TCEA1: variants seen among roughly 807,000 people sequenced by gnomAD.
The protein encoded by TCEA1 is transcription elongation factor A1, also known as transcription elongation factor A protein 1.
Under a neutral mutation model 43.8 loss-of-function variants are expected in TCEA1, and 21 were observed. The observed-to-expected ratio is 0.48, with a 90% CI of 0.34 to 0.69. The LOEUF is 0.69. Among genes scored for constraint, TCEA1 ranks in the 30% least tolerant of loss-of-function variants. The pLI is 0.01. For missense variants in TCEA1, 250 were observed against 365.1 expected, an observed-to-expected ratio of 0.68 and a Z score of 2.57; for synonymous variants, 104 against 117.5, an observed-to-expected ratio of 0.88 and a Z score of 0.75.
intron 3 of TCEA1, among the ~76,000 whole-genome samples, chr8:53,997,014 C>CTCAG (rs1229679272): frequency 6.6e-6 from 1 of 151,462 alleles, no homozygotes; most frequent in Non-Finnish European, 1.5e-5. Flanking sequence ...ATTCTCCTGC[C>CTCAG]TCAGCCTCTC....
intron 1 of TCEA1, among the ~76,000 whole-genome samples, chr8:54,013,292 G>A (rs769195369): frequency 1.3e-5 from 2 of 152,126 alleles, no homozygotes; most frequent in Admixed American, 6.6e-5. Context: ...TAACACTCAC[G>A]GAATAAAACT....
intron 2 of TCEA1, among the ~76,000 whole-genome samples, chr8:54,003,718 T>G (rs950359065): frequency 1.3e-5 from 2 of 152,108 alleles, no homozygotes; most frequent in African/African-American, 2.4e-5. Flanking sequence ...GAGTAAAGCT[T>G]CATGACCTTG....
At chr8:53,991,713 T>C (rs1203584736) in intron 4 of TCEA1, among the ~76,000 whole-genome samples, 1 of 151,134 alleles carries the variant, frequency 6.6e-6, no homozygotes, top group Non-Finnish European at 1.5e-5. Context: ...ATAATAATAA[T>C]AATAAAATAA....
At chr8:53,976,395 G>C (rs1257144422) in intron 8 of TCEA1, among the ~76,000 whole-genome samples, 1 of 152,100 alleles carries the variant, frequency 6.6e-6, no homozygotes, top group Non-Finnish European at 1.5e-5. Flanking sequence ...CCCCAAAAGT[G>C]GACATGAATC....
chr8:54,007,604 C>T (rs1413558970), intron 2 of TCEA1, among the ~76,000 whole-genome samples: 4 of 152,180 alleles, frequency 2.6e-5, no homozygotes, highest in African/African-American at 7.2e-5. Flanking sequence ...TAGTTTTAGT[C>T]GTAAATACTG....
rs564240552 is a variant in TCEA1 at position 53,985,284 on chromosome 8, T to A, written c.524-767A>T. On this transcript the variant is annotated intron_variant, in intron 6 of 9. Coordinates refer to ENST00000521604, the MANE Select transcript of TCEA1 (RefSeq NM_006756.4). ...CACCCGTCTCGGCCTCTCAAAGTGC[T>A]GGGATTATAGGCGTGAGCCACCGCG... Among the ~76,000 whole-genome samples, 5 of 152,340 alleles carry A rather than the reference T, an allele frequency of 3.3e-5. No homozygotes were observed. In the South Asian group the frequency reaches 1.0e-3, roughly 32 times the overall value.
intron 3 of TCEA1, among the ~76,000 whole-genome samples, chr8:53,994,334 G>C (rs145097845): frequency 6.6e-6 from 1 of 152,290 alleles, no homozygotes; most frequent in East Asian, 1.9e-4. Flanking sequence ...AATAGAGCCA[G>C]ACCTTTTCTC....
intron 4 of TCEA1, among the ~76,000 whole-genome samples, chr8:53,988,912 T>C (rs945971583): frequency 6.6e-6 from 1 of 151,830 alleles, no homozygotes; most frequent in African/African-American, 2.4e-5. Flanking sequence ...CTATTAAAAA[T>C]ACAAAAATTA....
intron 4 of TCEA1, among the ~76,000 whole-genome samples, chr8:53,991,316 C>G (rs551708036): frequency 6.6e-6 from 1 of 151,660 alleles, no homozygotes; most frequent in Non-Finnish European, 1.5e-5. Flanking sequence ...TCGCTTGAAC[C>G]TGGGGGACAG....
intron 4 of TCEA1, among the ~76,000 whole-genome samples, chr8:53,989,032 C>T (rs1364420597): frequency 6.6e-6 from 1 of 151,162 alleles, no homozygotes; most frequent in African/African-American, 2.4e-5. Flanking sequence ...TGCACCACTG[C>T]ACTCCAGCCT....
In TCEA1 at chr8:53,993,700, T is replaced by C. The variant is rs1239191064; in HGVS notation, c.288A>G (p.Thr96=). The C allele has an allele frequency of 1.2e-5, 20 of 1,613,740 alleles. No individual in the cohort carries two copies. The highest frequency in any genetic ancestry group is 6.6e-5 in the South Asian group (6 of 91,060). ...LDEKKKEPAI[T]SQNSPEAREE... ...CTCTTGCCTCAGGGCTGTTCTGCGA[T>C]GTAATTGCAGGTTCTTTCTTCTTTT... The change falls in exon 4 of 10, where the codon ACA becomes ACG. Residue 96 remains threonine (T), a synonymous_variant. Coordinates refer to ENST00000521604, the MANE Select transcript of TCEA1 (RefSeq NM_006756.4).
At chr8:53,983,426 T>C (rs913446970) in intron 7 of TCEA1, among the ~76,000 whole-genome samples, 4 of 152,370 alleles carry the variant, frequency 2.6e-5, no homozygotes, top group Admixed American at 6.5e-5. Flanking sequence ...CTAATATCTA[T>C]GAACAACCAT....
intron 2 of TCEA1, among the ~76,000 whole-genome samples, chr8:54,001,179 A>G (rs1297034646): frequency 6.6e-6 from 1 of 152,226 alleles, no homozygotes; most frequent in East Asian, 1.9e-4. Context: ...ATGGATGATA[A>G]ATAAAAAATG....
intron 2 of TCEA1, among the ~76,000 whole-genome samples, chr8:54,005,006 T>C (rs115594141): frequency 0.067 from 621 of 9,288 alleles, 4 homozygotes; most frequent in African/African-American, 0.21. Flanking sequence ...GTTTACTTCC[T>C]CACCTTCAAC....
chr8:53,987,564 T>C (rs1476499797), intron 5 of TCEA1, among the ~76,000 whole-genome samples: 1 of 152,092 alleles, frequency 6.6e-6, no homozygotes, highest in Non-Finnish European at 1.5e-5. Flanking sequence ...TGGTGCAGAA[T>C]GAGAGAAAAG....
chr8:54,004,784 AAAAAAAAAAAG>A (rs1274641436), intron 2 of TCEA1, among the ~76,000 whole-genome samples: 2 of 140,236 alleles, frequency 1.4e-5, no homozygotes, highest in Non-Finnish European at 3.0e-5. Context: ...ATACTGTTTA[AAAAAAAAAAAG>A]AAACATACAG....
intron 1 of TCEA1, 175 bp downstream of exon 1, chr8:54,021,888 G>C (rs1805047523): frequency 6.4e-6 from 3 of 469,932 alleles, no homozygotes; most frequent in Non-Finnish European, 1.1e-5. Context: ...GCAGGTTGCC[G>C]CGGGACCCGA....
intron 7 of TCEA1, among the ~76,000 whole-genome samples, chr8:53,979,630 C>T (rs911622123): frequency 6.6e-6 from 1 of 152,202 alleles, no homozygotes; most frequent in Admixed American, 6.5e-5. Context: ...TTTGTTAAGA[C>T]TAATGAAATG....
At chr8:54,002,951 A>C (rs1284453001) in intron 2 of TCEA1, 2 of 456,182 alleles carry the variant, frequency 4.4e-6, no homozygotes, top group African/African-American at 4.0e-5. Context: ...CTGATGGAAA[A>C]GCAGAAAGGA....
Sources: allele counts gnomAD v4.1 joint callset (sites outside exome capture counted in the v4.1 genomes callset), GRCh38; gene constraint gnomAD v4.1.1; transcripts MANE v1.5; gene names NCBI Gene and HGNC (gene_info 2026-07-23, HGNC 2026-07-21).